NUP93: variants seen among roughly 807,000 people sequenced by gnomAD.
The protein encoded by NUP93 is nuclear pore complex protein Nup93.
A neutral mutation model predicts 107.8 loss-of-function variants in NUP93; 55 were observed. The observed-to-expected ratio is 0.51, with a 90% CI of 0.41 to 0.64. NUP93 has a LOEUF of 0.64. NUP93 is among the 30% of genes least tolerant of loss of function. The pLI, the probability that NUP93 is intolerant of heterozygous loss-of-function variation, is 0.00. For synonymous variants in NUP93, 390 were observed against 397.5 expected, an observed-to-expected ratio of 0.98 and a Z score of 0.22; for missense variants, 937 against 1,044.7, an observed-to-expected ratio of 0.90 and a Z score of 1.42.
At chr16:56,842,846 C>T (rs1239749668) in intron 21 of NUP93, among the ~76,000 whole-genome samples, 2 of 152,202 alleles carry the variant, frequency 1.3e-5, no homozygotes, top group African/African-American at 4.8e-5. Context: ...AGCCACCGTT[C>T]CCGGCCCCAC....
chr16:56,742,794 A>G (rs1961760432), intron 1 of NUP93, among the ~76,000 whole-genome samples: 1 of 152,206 alleles, frequency 6.6e-6, no homozygotes, highest in Admixed American at 6.5e-5. Context: ...CATAGGCTTA[A>G]GTCTAGAGAA....
At chr16:56,807,293 C>T (rs544363684) in intron 5 of NUP93, among the ~76,000 whole-genome samples, 33 of 152,346 alleles carry the variant, frequency 2.2e-4, no homozygotes, top group African/African-American at 7.9e-4. Context: ...CGGATATTTA[C>T]CCATTGCCAT....
At chr16:56,827,743 A>G (rs546609471) in intron 8 of NUP93, among the ~76,000 whole-genome samples, 1 of 152,342 alleles carries the variant, frequency 6.6e-6, no homozygotes, top group Non-Finnish European at 1.5e-5. Context: ...GCATGGTGGC[A>G]TGTACCTCTA....
At chr16:56,815,899 G>GCTGCTGCTGCTGC (rs1555495759) in intron 5 of NUP93, among the ~76,000 whole-genome samples, 46 of 96,026 alleles carry the variant, frequency 4.8e-4, no homozygotes, top group Admixed American at 2.9e-3. Context: ...GCTGCTGCTG[G>GCTGCTGCTGCTGC]TGCTGCTGCT....
At position 56,839,542 on chromosome 16, in the gene NUP93, G is replaced by T; in HGVS notation, c.2158G>T (p.Val720Leu). The T allele has an allele frequency of 2.5e-6, 4 of 1,613,028 alleles. No individual in the cohort carries two copies. Among genetic ancestry groups the T allele is most frequent in the Non-Finnish European group, 3.4e-6 (4 of 1,179,690 alleles). The change falls in exon 20 of 22, where the codon GTG becomes TTG. Residue 720 changes from valine to leucine, a missense_variant. Transcript: ENST00000308159. ...AFDIIERLKL[V>L]PLNQESVEER... ...ACAGATCATTGAGCGCTTGAAGCTG[G>T]TGCCCCTGAATCAGGAAAGTGTGGA...
chr16:56,786,229 C>T (rs563860398), intron 3 of NUP93, among the ~76,000 whole-genome samples: 3 of 152,166 alleles, frequency 2.0e-5, no homozygotes, highest in African/African-American at 7.2e-5. Context: ...CTCACCTGTT[C>T]CCACCTCTCA....
At chr16:56,806,964 G>A (rs981133316) in intron 5 of NUP93, among the ~76,000 whole-genome samples, 6 of 152,148 alleles carry the variant, frequency 3.9e-5, no homozygotes, top group Middle Eastern at 6.3e-3. Context: ...CAGCAAGAAC[G>A]CAACTATTAA....
chr16:56,826,373 G>T (rs1323128060), intron 8 of NUP93, among the ~76,000 whole-genome samples: 1 of 152,066 alleles, frequency 6.6e-6, no homozygotes, highest in Non-Finnish European at 1.5e-5. Context: ...TTAGCTGGGT[G>T]TGGTGGTGTG....
chr16:56,773,888 C>G (rs1050068271), intron 3 of NUP93, among the ~76,000 whole-genome samples: 4 of 152,136 alleles, frequency 2.6e-5, no homozygotes, highest in Admixed American at 2.0e-4. Flanking sequence ...GTGTTTGAGT[C>G]CATAAAGAAT....
rs1204286636 is a variant in NUP93 at position 56,779,774 on chromosome 16, A to G, written c.298-18702A>G. ...TACCCTCTTAATTTATTTGTTGGCA[A>G]TACTAAAGAGGAAAAACGTCTTAAC... On this transcript the variant is annotated intron_variant, in intron 3 of 21. Transcript: ENST00000308159. Among the ~76,000 whole-genome samples, 15 of 152,372 alleles carry G rather than the reference A, an allele frequency of 9.8e-5. No individual in the cohort carries two copies. In the South Asian group the frequency reaches 3.1e-3, roughly 32 times the overall value.
intron 3 of NUP93, among the ~76,000 whole-genome samples, chr16:56,773,741 A>C (rs1283488720): frequency 6.6e-6 from 1 of 152,224 alleles, no homozygotes; most frequent in Non-Finnish European, 1.5e-5. Context: ...TGATAACAGA[A>C]GTCTACTGTA....
At chr16:56,790,388 G>A (rs1186048625) in intron 3 of NUP93, among the ~76,000 whole-genome samples, 1 of 152,132 alleles carries the variant, frequency 6.6e-6, no homozygotes, top group Non-Finnish European at 1.5e-5. Context: ...GGCTTTATCA[G>A]TAATGAACAT....
At chr16:56,813,606 A>G (rs2144593315) in intron 5 of NUP93, among the ~76,000 whole-genome samples, 1 of 151,998 alleles carries the variant, frequency 6.6e-6, no homozygotes, top group Middle Eastern at 3.4e-3. Flanking sequence ...ATGTAGACCC[A>G]CTCTGCTGCT....
intron 5 of NUP93, among the ~76,000 whole-genome samples, chr16:56,816,522 A>G (rs1368674149): frequency 2.6e-5 from 4 of 152,198 alleles, no homozygotes; most frequent in Non-Finnish European, 1.5e-5. Context: ...AGATGGCTGC[A>G]GGAGCTCTAG....
chr16:56,831,707 C>A, intron 10 of NUP93, 135 bp from the exon 11 acceptor site: 1 of 809,594 alleles, frequency 1.2e-6, no homozygotes, highest in Non-Finnish European at 1.9e-6. Flanking sequence ...GGGGATGGGG[C>A]AGAGACAGTG....
At chr16:56,802,960 C>G (rs761154686) in intron 4 of NUP93, among the ~76,000 whole-genome samples, 7 of 151,938 alleles carry the variant, frequency 4.6e-5, no homozygotes, top group Non-Finnish European at 1.0e-4. Context: ...TCCTTCTTCC[C>G]TCTCCCACCC....
At chr16:56,746,109 C>T (rs1357856678) in intron 1 of NUP93, among the ~76,000 whole-genome samples, 1 of 150,378 alleles carries the variant, frequency 6.6e-6, no homozygotes, top group Non-Finnish European at 1.5e-5. Flanking sequence ...TTTTCTTTTC[C>T]TTGACTCTGT....
intron 3 of NUP93, 61 bp from the exon 4 acceptor site, chr16:56,798,415 A>G: frequency 3.6e-6 from 5 of 1,379,196 alleles, no homozygotes; most frequent in Non-Finnish European, 5.2e-6. Flanking sequence ...TTTGCCCTGC[A>G]GTATACTTTT....
At position 56,758,623 on chromosome 16, in the gene NUP93, C is replaced by T. The variant is rs2144482640; in HGVS notation, c.265C>T (p.Pro89Ser). Residue 89 changes from proline to serine, a missense_variant, in exon 3 of 22, where the codon CCT becomes TCT. Pro to Ser is a moderately conservative substitution (Grantham distance 74). Transcript: ENST00000308159. ...ESLSAATTFE[P>S]LEPVKDTDIQ... ...TCTGAGTGCAGCCACCACCTTTGAG[C>T]CTCTTGAGCCTGTGAAGGACACTGA... 2 of 1,613,778 alleles carry T rather than the reference C, an allele frequency of 1.2e-6. No homozygotes were observed. Among genetic ancestry groups the T allele is most frequent in the Non-Finnish European group, 1.7e-6 (2 of 1,179,782 alleles).
Sources: gnomAD v4.1 joint callset for allele counts (sites outside exome capture counted in the v4.1 genomes callset) on GRCh38, gnomAD v4.1.1 for gene constraint, MANE v1.5 for transcripts, NCBI Gene and HGNC (gene_info 2026-07-23, HGNC 2026-07-21) for gene names.